The following UTP6 variants were observed in gnomAD, a reference collection of about 807,000 sequenced individuals.
The protein encoded by UTP6 is UTP6 small subunit processome component.
In UTP6, 60 loss-of-function variants were observed where a neutral mutation model predicts 96.5. The observed-to-expected ratio is 0.62, with a 90% confidence interval of 0.51 to 0.77. The LOEUF (loss-of-function observed/expected upper bound fraction) is 0.77. Among genes scored for constraint, UTP6 ranks in the 30% least tolerant of loss-of-function variants. The pLI is 0.00. For missense variants in UTP6, 637 were observed against 706.5 expected (o/e 0.90, Z 1.12); for synonymous variants, 215 against 240.1 (o/e 0.90, Z 0.96).
chr17:31,873,497 A>C lies in UTP6; in HGVS notation c.1387-10T>G, dbSNP rs1567779928. The C allele has an allele frequency of 6.2e-7, 1 of 1,608,808 alleles. No homozygotes were observed. The highest frequency in any genetic ancestry group is 8.5e-7 in the Non-Finnish European group (1 of 1,178,762). On this transcript the variant is annotated splice_polypyrimidine_tract_variant and intron_variant, in intron 15 of 18. Transcript: ENST00000261708. Reference sequence around the variant, plus strand: ...CAGCTAAGAGAGCTTTCTACAATTTAAAAGAAAAAAGAAAGAAGCTATGTG... The same window carrying C: ...CAGCTAAGAGAGCTTTCTACAATTTCAAAGAAAAAAGAAAGAAGCTATGTG...
chr17:31,895,197 AG>A (rs1904563581), intron 2 of UTP6, among the ~76,000 whole-genome samples, 186 bp from the exon 3 acceptor site: 1 of 152,250 alleles, frequency 6.6e-6, no homozygotes, highest in Admixed American at 6.5e-5. Context: ...AAACTTAAAC[AG>A]AATTAACAAG....
intron 3 of UTP6, 88 bp downstream of exon 3, chr17:31,894,882 C>T (rs1263444268): frequency 1.7e-5 from 23 of 1,321,880 alleles, no homozygotes; most frequent in Non-Finnish European, 2.3e-5. Context: ...GTTTTATCAA[C>T]ACTGTCTCCC....
intron 6 of UTP6, 46 bp from the exon 7 acceptor site, chr17:31,889,449 G>T: frequency 7.2e-7 from 1 of 1,396,562 alleles, no homozygotes; most frequent in Non-Finnish European, 9.9e-7. Context: ...AATTAATCAA[G>T]TCAGACAAGA....
chr17:31,872,937 A>AG (rs1910271748), intron 16 of UTP6, among the ~76,000 whole-genome samples: 1 of 150,854 alleles, frequency 6.6e-6, no homozygotes, highest in South Asian at 2.1e-4. Context: ...CAAAAAAAAA[A>AG]CAAAAAAAAA....
chr17:31,880,663 T>A lies in UTP6; in HGVS notation c.877A>T (p.Thr293Ser). ...EIESQTEEQPTTKQAKAVEVG... is the reference protein window; with the variant it reads ...EIESQTEEQPSTKQAKAVEVG... ...TCCACTGCTTTGGCTTGTTTCGTTG[T>A]AGGCTGCTCTTCTGTCTGTGACTCA... Residue 293 changes from threonine (T) to serine (S), a missense_variant, in exon 11 of 19, where the codon ACA becomes TCA. Transcript: ENST00000261708. 1 of 1,614,152 alleles carries A rather than the reference T, an allele frequency of 6.2e-7. No individual in the cohort carries two copies. The highest frequency in any genetic ancestry group is 1.7e-5 in the Admixed American group (1 of 60,004).
At position 31,892,782 on chromosome 17, in the gene UTP6, G is replaced by A; in HGVS notation, c.325C>T (p.Leu109Phe). The stretch of plus-strand genomic sequence containing the variant: ...CAAAAAGCCACATAGGAGAGCCAAA[G>A]TTGAACATCGTCCTGCAAGAAAAGC... ...ASAKWKDDVQLWLSYVAFCKK... is the reference protein window; with the variant it reads ...ASAKWKDDVQFWLSYVAFCKK... The change falls in exon 5 of 19, where the codon CTT becomes TTT. Residue 109 changes from leucine to phenylalanine, a missense_variant. By Grantham distance (22) the Leu-to-Phe change is conservative. Transcript: ENST00000261708. 2.5e-6 allele frequency: 4 copies of A among 1,614,144 alleles called. No individual in the cohort carries two copies. The South Asian group carries it at 3.3e-5, about 13-fold the overall frequency.
rs1005556701 is a variant in UTP6, at chr17:31,861,596, C to G, written c.*1763G>C. The stretch of plus-strand genomic sequence containing the variant: ...CACCACTGCACTCTAGCCTAGGTGA[C>G]AAAGCAAGAACTTGTCCAATTTAAA... On this transcript the variant is annotated 3_prime_UTR_variant, in exon 19 of 19. Coordinates refer to ENST00000261708, the MANE Select transcript of UTP6 (RefSeq NM_018428.3). 4.6e-5 allele frequency: 7 copies of G among 150,586 alleles called. No homozygotes were observed. The highest frequency in any genetic ancestry group is 3.3e-4 in the Admixed American group (5 of 15,086). The allele number at this position is 150,586 out of a possible 1,614,324, so 9.3% of individuals were successfully genotyped here.
At chr17:31,870,243 T>C (rs1910074918) in intron 16 of UTP6, among the ~76,000 whole-genome samples, 1 of 152,170 alleles carries the variant, frequency 6.6e-6, no homozygotes, top group Non-Finnish European at 1.5e-5. Context: ...CTTCCAGAAA[T>C]CTCCAGCTGA....
chr17:31,884,420 T>G lies in UTP6; in HGVS notation c.785+4A>C, dbSNP rs1911028362. ...ATATTCACCTTTCTACTAACTTTAC[T>G]TACTCATCATAAATCTCTTTTTGTA... On this transcript the variant is annotated splice_donor_region_variant and intron_variant, in intron 10 of 18. Transcript: ENST00000261708. 6.2e-7 allele frequency: 1 copy of G among 1,605,158 alleles called. No individual in the cohort carries two copies. The highest frequency in any genetic ancestry group is 2.2e-5 in the East Asian group (1 of 44,702).
In UTP6 at chr17:31,899,678, G is replaced by T. The variant is rs146195806; in HGVS notation, c.145C>A (p.Leu49Ile). 5.7e-4 allele frequency: 908 copies of T among 1,605,840 alleles called. 1 individual carries two copies. Among genetic ancestry groups the T allele is most frequent in the Non-Finnish European group, 7.2e-4 (846 of 1,176,514 alleles). The change falls in exon 2 of 19, where the codon CTT (leucine) becomes ATT (isoleucine). Residue 49 changes from leucine to isoleucine, a missense_variant. Physicochemically the swap from Leu to Ile is conservative, Grantham distance 5. Coordinates refer to ENST00000261708, the MANE Select transcript of UTP6 (RefSeq NM_018428.3). Reference sequence around the variant, plus strand: ...TAATTGATAAAGTCTTCCTTGAAAAGGGTTCTTCTCTGGATTTTGTACTCT... The same window carrying T: ...TAATTGATAAAGTCTTCCTTGAAAATGGTTCTTCTCTGGATTTTGTACTCT... The part of the protein sequence containing the change: ...DLEYKIQRRT[L>I]FKEDFINYVQ...
intron 2 of UTP6, among the ~76,000 whole-genome samples, chr17:31,895,669 G>A (rs531004410): frequency 5.7e-4 from 86 of 152,098 alleles, no homozygotes; most frequent in Middle Eastern, 3.4e-3. Flanking sequence ...GAGTAGCTTG[G>A]ATTACAGGCG....
intron 11 of UTP6, among the ~76,000 whole-genome samples, chr17:31,879,817 C>T (rs576729431): frequency 1.3e-5 from 2 of 151,892 alleles, no homozygotes; most frequent in Non-Finnish European, 2.9e-5. Context: ...GTTAGAAAGC[C>T]AGGCACGGCC....
At chr17:31,892,043 CCTT>C in intron 6 of UTP6, 1 of 545,954 alleles carries the variant, frequency 1.8e-6, no homozygotes, top group Non-Finnish European at 3.3e-6. Flanking sequence ...GAAATACAGT[CCTT>C]CTTGCCTGCA....
rs773416712 is a variant in UTP6, at chr17:31,863,362, T to C, written c.1791A>G (p.Leu597=). 6.2e-7 allele frequency: 1 copy of C among 1,612,422 alleles called. No homozygotes were observed. The highest frequency in any genetic ancestry group is 1.1e-5 in the South Asian group (1 of 90,520). The stretch of plus-strand genomic sequence containing the variant: ...AAGCTGACTGTATTCTTCATCTTCA[T>C]AAATGGCCAGTCTGATGCATAGCAT... ...AKHAMHQTGH[L] is the part of the protein sequence containing the mutation. The change falls in exon 19 of 19, where the codon TTA becomes TTG. Residue 597 remains leucine, a synonymous_variant. Coordinates refer to ENST00000261708, the MANE Select transcript of UTP6 (RefSeq NM_018428.3).
intron 6 of UTP6, among the ~76,000 whole-genome samples, chr17:31,890,824 T>G (rs1432018106): frequency 6.9e-6 from 1 of 144,706 alleles, no homozygotes; most frequent in African/African-American, 2.6e-5. Flanking sequence ...CCATCTCTAC[T>G]AAAAATACAA....
At chr17:31,900,895 CTTTGT>C (rs1416051532) in intron 1 of UTP6, among the ~76,000 whole-genome samples, 2 of 152,160 alleles carry the variant, frequency 1.3e-5, no homozygotes, top group African/African-American at 2.4e-5. Context: ...GTCCACACTG[CTTTGT>C]TTTGTGTTTC....
intron 10 of UTP6, 60 bp from the exon 11 acceptor site, chr17:31,880,814 A>G (rs1179320752): frequency 5.0e-6 from 8 of 1,598,004 alleles, no homozygotes; most frequent in Non-Finnish European, 6.0e-6. Flanking sequence ...AGAATATCAG[A>G]GAAACAGTTA....
At chr17:31,898,852 C>A (rs1374966651) in intron 2 of UTP6, among the ~76,000 whole-genome samples, 1 of 152,132 alleles carries the variant, frequency 6.6e-6, no homozygotes, top group African/African-American at 2.4e-5. Context: ...ACCAGCCTAG[C>A]CAACATGGCA....
At chr17:31,898,980 C>T (rs763118700) in intron 2 of UTP6, among the ~76,000 whole-genome samples, 10 of 144,580 alleles carry the variant, frequency 6.9e-5, no homozygotes, top group Non-Finnish European at 1.5e-4. Context: ...TGCAGTGAGC[C>T]AAGATCGCGC....
Sources: allele counts gnomAD v4.1 joint callset (sites outside exome capture counted in the v4.1 genomes callset), GRCh38; gene constraint gnomAD v4.1.1; transcripts MANE v1.5; gene names NCBI Gene and HGNC (gene_info 2026-07-23, HGNC 2026-07-21).